Variants in BSDC1 observed in about 807,000 individuals in gnomAD.
BSDC1 encodes BSD domain-containing protein 1.
A neutral mutation model predicts 56.0 loss-of-function variants in BSDC1; 29 were observed. The ratio of observed to expected loss-of-function variants is 0.52; its 90% CI spans 0.39 to 0.71. BSDC1 has a LOEUF of 0.71. Ranked by LOEUF, BSDC1 falls within the 30% of genes least tolerant of loss-of-function variation. The pLI, the probability that BSDC1 is intolerant of heterozygous loss-of-function variation, is 0.00. For synonymous variants in BSDC1, 210 were observed against 215.3 expected (o/e 0.98, Z 0.21); for missense variants, 477 against 548.5 (o/e 0.87, Z 1.30).
chr1:32,367,243 T>C lies in BSDC1; in HGVS notation c.1261-589A>G, dbSNP rs148248196. The stretch of plus-strand genomic sequence containing the variant: ...GAACGTTTTCTTGCTTTGTTCCTAC[T>C]CTTGGCCTGCTGTCGGCTAAGCCCT... On this transcript the variant is annotated intron_variant, in intron 10 of 10. Coordinates refer to ENST00000455895, the MANE Select transcript of BSDC1 (RefSeq NM_018045.8). 2.3e-4 allele frequency: 230 copies of C among 985,476 alleles called. No homozygotes were observed. The African/African-American group carries it at 3.4e-3, about 15-fold the overall frequency. 61.0% of individuals were successfully genotyped at this position (985,476 alleles called of 1,614,324 possible).
At chr1:32,388,944 T>A (rs1642764188) in intron 2 of BSDC1, among the ~76,000 whole-genome samples, 1 of 151,660 alleles carries the variant, frequency 6.6e-6, no homozygotes, top group Non-Finnish European at 1.5e-5. Context: ...CTTTATCTCT[T>A]CTTCTTTTTT....
At chr1:32,394,201 G>C in intron 1 of BSDC1, 61 bp from the exon 2 acceptor site, 2 of 1,582,790 alleles carry the variant, frequency 1.3e-6, no homozygotes, top group Non-Finnish European at 1.7e-6. Context: ...CCAAGGATCC[G>C]GTTTGTTCCC....
intron 5 of BSDC1, among the ~76,000 whole-genome samples, chr1:32,379,614 T>TA (rs1402274960): frequency 6.6e-6 from 1 of 152,194 alleles, no homozygotes; most frequent in East Asian, 1.9e-4. Context: ...TTTTGAGAGA[T>TA]AGAGGCTTGC....
chr1:32,367,711 G>C (rs1231640011), intron 10 of BSDC1: 1 of 978,516 alleles, frequency 1.0e-6, no homozygotes, highest in Non-Finnish European at 1.2e-6. Context: ...AAGAATAACA[G>C]TACTAAGGCC....
At chr1:32,370,439 A>G (rs1642032844) in intron 9 of BSDC1, among the ~76,000 whole-genome samples, 2 of 152,186 alleles carry the variant, frequency 1.3e-5, no homozygotes, top group Non-Finnish European at 2.9e-5. Flanking sequence ...TTTAGAACAC[A>G]TAGTTGGCAC....
intron 9 of BSDC1, chr1:32,369,467 C>A (rs1641988042): frequency 5.7e-6 from 2 of 350,922 alleles, no homozygotes; most frequent in Non-Finnish European, 1.1e-5. Flanking sequence ...TATGATCATG[C>A]CACTGCAGTC....
intron 5 of BSDC1, 105 bp downstream of exon 5, chr1:32,381,109 A>C (rs1231036786): frequency 9.3e-7 from 1 of 1,076,350 alleles, no homozygotes; most frequent in Non-Finnish European, 1.4e-6. Flanking sequence ...GTCTCCCTAC[A>C]TAGGGGGTGC....
intron 4 of BSDC1, among the ~76,000 whole-genome samples, chr1:32,381,677 T>C (rs890574142): frequency 2.6e-5 from 4 of 152,240 alleles, no homozygotes; most frequent in Admixed American, 6.5e-5. Context: ...ATTAATTGTA[T>C]AGCCAGTCTC....
chr1:32,394,260 C>G, intron 1 of BSDC1, 120 bp from the exon 2 acceptor site: 1 of 1,553,268 alleles, frequency 6.4e-7, no homozygotes, highest in Non-Finnish European at 8.9e-7. Context: ...GCTTGCCCAC[C>G]CCCTCACAAT....
rs1030520251 is a variant in BSDC1 at position 32,368,605 on chromosome 1, G to T, written c.1157-55C>A. 48 of 1,609,924 alleles carry T rather than the reference G, an allele frequency of 3.0e-5. No homozygotes were observed. The African/African-American group carries it at 6.1e-4, about 21-fold the overall frequency. The stretch of plus-strand genomic sequence containing the variant: ...AGGAGGAGGCAGGGAAGGGGCACCT[G>T]AAGAGGGTGTAGCTGGGGAGATAGC... On this transcript the variant is annotated intron_variant, in intron 9 of 10. Coordinates refer to ENST00000455895, the MANE Select transcript of BSDC1 (RefSeq NM_018045.8).
At position 32,376,506 on chromosome 1, in the gene BSDC1, G is replaced by T. The variant is rs772737804; in HGVS notation, c.912C>A (p.Asp304Glu). ...TAPEARVLPK[D>E]LSQKLLEASL... ...ATGCCTCTAGCAGCTTTTGGGACAGGTCCTTGGGTAGCACTCGTGCCTCAG... is the reference window on the plus strand; with the variant it reads ...ATGCCTCTAGCAGCTTTTGGGACAGTTCCTTGGGTAGCACTCGTGCCTCAG... Residue 304 changes from aspartate (D) to glutamate (E), a missense_variant, in exon 9 of 11, where the codon GAC (aspartate) becomes GAA (glutamate). Transcript: ENST00000455895. 3 of 1,603,238 alleles carry T rather than the reference G, an allele frequency of 1.9e-6. No individual in the cohort carries two copies. The African/African-American group carries it at 4.0e-5, about 21-fold the overall frequency.
At chr1:32,389,719 G>A (rs983508207) in intron 2 of BSDC1, among the ~76,000 whole-genome samples, 1 of 152,010 alleles carries the variant, frequency 6.6e-6, no homozygotes, top group African/African-American at 2.4e-5. Context: ...TTGGGAAGCC[G>A]AGGCAGGAGG....
chr1:32,376,682 T>C lies in BSDC1; in HGVS notation c.736A>G (p.Ile246Val), dbSNP rs1381103024. ...PKEAKVPVAK[I>V]STFPEGEPGP... ...GGTTCTCCTTCAGGGAATGTAGAAATTTTGGCCACAGGAACCTTTGCCTCT... is the reference window on the plus strand; with the variant it reads ...GGTTCTCCTTCAGGGAATGTAGAAACTTTGGCCACAGGAACCTTTGCCTCT... Residue 246 changes from isoleucine to valine, a missense_variant, in exon 9 of 11, where the codon ATT becomes GTT. Coordinates refer to ENST00000455895, the MANE Select transcript of BSDC1 (RefSeq NM_018045.8). The C allele has an allele frequency of 4.2e-6, 6 of 1,413,144 alleles. No homozygotes were observed. In the South Asian group the frequency reaches 7.7e-5, roughly 18 times the overall value. 87.5% of individuals were successfully genotyped at this position (1,413,144 alleles called of 1,614,324 possible). A position where few individuals can be genotyped will look rare whatever the true frequency, so the allele number is the denominator to read the frequency against.
intron 9 of BSDC1, chr1:32,369,106 T>C (rs1006594700): frequency 4.7e-5 from 19 of 407,576 alleles, no homozygotes; most frequent in Admixed American, 4.2e-4. Context: ...AGAAACAATC[T>C]GAAAGCCCAC....
At chr1:32,380,676 A>C (rs1642451921) in intron 5 of BSDC1, among the ~76,000 whole-genome samples, 1 of 152,032 alleles carries the variant, frequency 6.6e-6, no homozygotes, top group African/African-American at 2.4e-5. Context: ...ACAAACAAAC[A>C]AAACCCAACT....
At position 32,365,735 on chromosome 1, in the gene BSDC1, C is replaced by T. The variant is rs137907052; in HGVS notation, c.*887G>A. 5.6e-4 allele frequency: 86 copies of T among 152,724 alleles called. No homozygotes were observed. Among genetic ancestry groups the T allele is most frequent in the Non-Finnish European group, 9.4e-4 (64 of 68,040 alleles). The allele number at this position is 152,724 out of a possible 1,614,324, so 9.5% of individuals were successfully genotyped here. Reference sequence around the variant, plus strand: ...TAGGCTTACCAGAGTTGTAAGTACTCGGCTTTGATCACCGCTCTGTACCGC... The same window carrying T: ...TAGGCTTACCAGAGTTGTAAGTACTTGGCTTTGATCACCGCTCTGTACCGC... On this transcript the variant is annotated 3_prime_UTR_variant, in exon 11 of 11. Transcript: ENST00000455895.
chr1:32,376,085 T>C (rs1223175279), intron 9 of BSDC1, among the ~76,000 whole-genome samples, 177 bp downstream of exon 9: 1 of 152,250 alleles, frequency 6.6e-6, no homozygotes, highest in Non-Finnish European at 1.5e-5. Flanking sequence ...TTCAGAGATG[T>C]TGTGCAACTT....
At chr1:32,367,721 C>T (rs1245986402) in intron 10 of BSDC1, 9 of 972,106 alleles carry the variant, frequency 9.3e-6, no homozygotes, top group African/African-American at 7.0e-5. Context: ...GTACTAAGGC[C>T]TCCTTGAGCT....
chr1:32,382,860 A>AC (rs1302910485), intron 4 of BSDC1, among the ~76,000 whole-genome samples: 2 of 126,626 alleles, frequency 1.6e-5, no homozygotes, highest in Non-Finnish European at 3.2e-5. Flanking sequence ...ACAGAGTGAG[A>AC]CCGTCTCAAA....
Sources: allele counts gnomAD v4.1 joint callset (sites outside exome capture counted in the v4.1 genomes callset), GRCh38; gene constraint gnomAD v4.1.1; transcripts MANE v1.5; gene names NCBI Gene and HGNC (gene_info 2026-07-23, HGNC 2026-07-21).